Variants in GSE1 observed in about 807,000 individuals in gnomAD.
The protein encoded by GSE1 is genetic suppressor element 1.
A neutral mutation model predicts 112.6 loss-of-function variants in GSE1; 32 were observed. The observed-to-expected ratio is 0.28, with a 90% CI of 0.21 to 0.38. The LOEUF (loss-of-function observed/expected upper bound fraction) is 0.38, where lower values mean the gene tolerates loss of function less well. GSE1 is among the 10% of genes least tolerant of loss of function. GSE1 has a pLI of 1.00. For missense variants in GSE1, 2,348 were observed against 1,699.2 expected, an observed-to-expected ratio of 1.38 and a Z score of -6.71; for synonymous variants, 1,115 against 735.6, an observed-to-expected ratio of 1.52 and a Z score of -8.35.
intron 1 of GSE1, among the ~76,000 whole-genome samples, chr16:85,224,137 C>T (rs1179737383): frequency 6.6e-6 from 1 of 151,742 alleles, no homozygotes; most frequent in Non-Finnish European, 1.5e-5. Context: ...GAAGTGTTGT[C>T]CGGTTCCTGT....
chr16:85,353,557 G>A (rs1271868176), intron 1 of GSE1, among the ~76,000 whole-genome samples: 9 of 152,236 alleles, frequency 5.9e-5, no homozygotes, highest in Non-Finnish European at 1.3e-4. Context: ...CCCAAAGCCA[G>A]AAGCGATTGC....
At chr16:85,665,531 C>G (rs1309460772) in intron 12 of GSE1, among the ~76,000 whole-genome samples, 1 of 152,232 alleles carries the variant, frequency 6.6e-6, no homozygotes, top group Non-Finnish European at 1.5e-5. Flanking sequence ...TCTTCCTGCT[C>G]TTTGTCTTCC....
intron 2 of GSE1, among the ~76,000 whole-genome samples, chr16:85,548,182 T>C (rs1330779161): frequency 6.9e-6 from 1 of 144,198 alleles, no homozygotes; most frequent in Non-Finnish European, 1.5e-5. Context: ...TGAGCCAAGA[T>C]TGAGCCACAG....
intron 2 of GSE1, among the ~76,000 whole-genome samples, chr16:85,431,614 C>A (rs935522142): frequency 5.3e-5 from 8 of 152,166 alleles, no homozygotes; most frequent in Non-Finnish European, 1.0e-4. Flanking sequence ...TCTGCCCGTG[C>A]TCCCCGAGAC....
At chr16:85,611,098 C>A (rs1312216756), upstream of GSE1, among the ~76,000 whole-genome samples, 1 of 152,230 alleles carries the variant, frequency 6.6e-6, no homozygotes, top group African/African-American at 2.4e-5. Flanking sequence ...GGAGGTGGGG[C>A]CTAGGTGTCT....
chr16:85,339,134 C>G (rs2046568182), intron 1 of GSE1, among the ~76,000 whole-genome samples: 1 of 152,174 alleles, frequency 6.6e-6, no homozygotes, highest in African/African-American at 2.4e-5. Context: ...GTCACTGGGT[C>G]TGGTGTCATT....
chr16:85,672,675 C>T lies in GSE1; in HGVS notation c.*136C>T, dbSNP rs560726507. 5.4e-6 allele frequency: 3 copies of T among 552,640 alleles called. No individual in the cohort carries two copies. The highest frequency in any genetic ancestry group is 3.2e-5 in the East Asian group (1 of 31,476). 34.2% of individuals were successfully genotyped at this position (552,640 alleles called of 1,614,324 possible). On this transcript the variant is annotated 3_prime_UTR_variant, in exon 16 of 16. Transcript: ENST00000253458. Reference sequence around the variant, plus strand: ...GTGCCATGCATGAAGCAAAGGATTCCAGGCTCCAGAAAAAATGAATGAACT... The same window carrying T: ...GTGCCATGCATGAAGCAAAGGATTCTAGGCTCCAGAAAAAATGAATGAACT...
intron 2 of GSE1, among the ~76,000 whole-genome samples, chr16:85,636,814 C>A (rs1026124381): frequency 6.6e-6 from 1 of 152,198 alleles, no homozygotes; most frequent in Non-Finnish European, 1.5e-5. Context: ...TGGCGTTGGG[C>A]GCACAAAAGG....
upstream of GSE1, chr16:85,611,533 T>G: frequency 7.3e-6 from 7 of 954,966 alleles, no homozygotes; most frequent in Non-Finnish European, 8.7e-6. Context: ...CGTCCGCAGG[T>G]AGGAGCCAGT....
intron 2 of GSE1, among the ~76,000 whole-genome samples, chr16:85,504,712 G>A (rs192459763): frequency 1.2e-4 from 18 of 152,270 alleles, no homozygotes; most frequent in African/African-American, 4.1e-4. Flanking sequence ...TTATTTGTCG[G>A]GATGTCTGGG....
At chr16:85,347,065 A>T (rs113314007) in intron 1 of GSE1, among the ~76,000 whole-genome samples, 216 of 152,230 alleles carry the variant, frequency 1.4e-3, no homozygotes, top group African/African-American at 4.8e-3. Flanking sequence ...GGTTGGCGGG[A>T]TAAGTGTGGT....
chr16:85,379,587 G>A (rs1239889514), intron 2 of GSE1, among the ~76,000 whole-genome samples: 1 of 152,166 alleles, frequency 6.6e-6, no homozygotes. Context: ...ACCATCCAAG[G>A]TCTTACTTAG....
chr16:85,616,166 AT>A (rs1262313617), intron 1 of GSE1, among the ~76,000 whole-genome samples: 1 of 152,148 alleles, frequency 6.6e-6, no homozygotes, highest in Non-Finnish European at 1.5e-5. Flanking sequence ...TGAGCTAGAG[AT>A]TCCCCCCTTC....
chr16:85,303,062 A>T (rs1475915546), intron 1 of GSE1, among the ~76,000 whole-genome samples: 1 of 152,240 alleles, frequency 6.6e-6, no homozygotes, highest in African/African-American at 2.4e-5. Context: ...CCCCGCCTGC[A>T]GCGAGGGGGT....
chr16:85,666,242 A>C lies in GSE1; in HGVS notation c.3025A>C (p.Asn1009His). The change falls in exon 13 of 16, where the codon AAT (asparagine) becomes CAT (histidine). Residue 1009 changes from asparagine to histidine, a missense_variant. Coordinates refer to ENST00000253458, the MANE Select transcript of GSE1 (RefSeq NM_014615.5). Reference sequence around the variant, plus strand: ...TCCTGTGCCGCTGTCCCACAGCACCAATGGGAAGAGCAAGCCGTGGGAGCC... The same window carrying C: ...TCCTGTGCCGCTGTCCCACAGCACCCATGGGAAGAGCAAGCCGTGGGAGCC... ...DIPVPLSHST[N>H]GKSKPWEPFV... 1 of 1,613,818 alleles carries C rather than the reference A, an allele frequency of 6.2e-7. No homozygotes were observed. The highest frequency in any genetic ancestry group is 8.5e-7 in the Non-Finnish European group (1 of 1,180,026).
chr16:85,412,981 G>A (rs2048615858), intron 2 of GSE1, among the ~76,000 whole-genome samples: 1 of 152,218 alleles, frequency 6.6e-6, no homozygotes, highest in Non-Finnish European at 1.5e-5. Context: ...CTGTTCGGGT[G>A]CAGGTTATAA....
intron 1 of GSE1, among the ~76,000 whole-genome samples, chr16:85,214,888 C>T (rs887935454): frequency 1.3e-5 from 2 of 152,178 alleles, no homozygotes; most frequent in East Asian, 1.9e-4. Flanking sequence ...ACTCTGAGAG[C>T]GGACCCTGTG....
intron 1 of GSE1, among the ~76,000 whole-genome samples, chr16:85,334,625 G>C (rs1025072730): frequency 2.0e-5 from 3 of 152,330 alleles, no homozygotes; most frequent in Non-Finnish European, 4.4e-5. Flanking sequence ...GGCCACTTGT[G>C]AGGAGCCCCT....
intron 1 of GSE1, among the ~76,000 whole-genome samples, chr16:85,597,890 C>T (rs1374320048): frequency 1.3e-5 from 2 of 152,206 alleles, no homozygotes; most frequent in Non-Finnish European, 2.9e-5. Flanking sequence ...TTGATCTTCT[C>T]TGCTGCTGTG....
Sources: gnomAD v4.1 joint callset for allele counts (sites outside exome capture counted in the v4.1 genomes callset) on GRCh38, gnomAD v4.1.1 for gene constraint, MANE v1.5 for transcripts, NCBI Gene and HGNC (gene_info 2026-07-23, HGNC 2026-07-21) for gene names.